The following HSPBAP1 variants were observed in gnomAD, a reference collection of about 807,000 sequenced individuals.
HSPBAP1 encodes HSPB1 associated protein 1.
In HSPBAP1, 27 loss-of-function variants were observed where a neutral mutation model predicts 45.2. The ratio of observed to expected loss-of-function variants is 0.60; its 90% CI spans 0.44 to 0.82. HSPBAP1 has a LOEUF of 0.82. Among genes scored for constraint, HSPBAP1 ranks in the 40% least tolerant of loss-of-function variants. The pLI is 0.00. For synonymous variants in HSPBAP1, 204 were observed against 202.7 expected, an observed-to-expected ratio of 1.01 and a Z score of -0.06; for missense variants, 510 against 590.9, an observed-to-expected ratio of 0.86 and a Z score of 1.42.
At chr3:122,750,173 C>T (rs1275986673) in intron 6 of HSPBAP1, among the ~76,000 whole-genome samples, 1 of 151,896 alleles carries the variant, frequency 6.6e-6, no homozygotes, top group Non-Finnish European at 1.5e-5. Context: ...TAGGGTTTCA[C>T]CATGTTGGCC....
chr3:122,771,879 A>G (rs1935012950), intron 2 of HSPBAP1, among the ~76,000 whole-genome samples: 1 of 152,274 alleles, frequency 6.6e-6, no homozygotes, highest in South Asian at 2.1e-4. Context: ...AATAAGAAAT[A>G]CACTCAACAG....
intron 6 of HSPBAP1, among the ~76,000 whole-genome samples, chr3:122,747,656 A>T (rs1216696370): frequency 7.1e-6 from 1 of 140,314 alleles, no homozygotes; most frequent in African/African-American, 2.7e-5. Flanking sequence ...CCGCCCGGCC[A>T]GCCGCCCCGT....
intron 2 of HSPBAP1, among the ~76,000 whole-genome samples, chr3:122,774,767 T>C (rs1935128883): frequency 6.6e-6 from 1 of 152,078 alleles, no homozygotes; most frequent in South Asian, 2.1e-4. Flanking sequence ...AGGCAGATGC[T>C]AGATATTTAG....
At chr3:122,791,379 G>A (rs1935824846) in intron 1 of HSPBAP1, among the ~76,000 whole-genome samples, 1 of 152,208 alleles carries the variant, frequency 6.6e-6, no homozygotes, top group Non-Finnish European at 1.5e-5. Context: ...ACCATGCCAT[G>A]CTTTCTCCTT....
chr3:122,754,197 T>G (rs541715122), intron 5 of HSPBAP1: 1 of 152,868 alleles, frequency 6.5e-6, no homozygotes, highest in East Asian at 1.9e-4. Context: ...AAAGTAGCAT[T>G]ACTTATAATA....
chr3:122,761,615 G>GT (rs11413351), intron 3 of HSPBAP1: 86,200 of 137,784 alleles, frequency 0.63, 27,324 homozygotes, highest in Non-Finnish European at 0.71. Flanking sequence ...CTACAAAAAG[G>GT]TTTTTTTTTT....
At chr3:122,777,684 G>A (rs778839119) in intron 2 of HSPBAP1, 37 bp downstream of exon 2, 7 of 1,479,064 alleles carry the variant, frequency 4.7e-6, no homozygotes, top group Non-Finnish European at 6.5e-6. Context: ...GGATGCTCCT[G>A]AAGAGACATT....
In HSPBAP1 at chr3:122,783,992, A is replaced by T. The variant is rs193185023; in HGVS notation, c.65-6086T>A. Among the ~76,000 whole-genome samples the T allele has an allele frequency of 3.5e-3, 532 of 152,134 alleles. 2 individuals are homozygous for T. Among genetic ancestry groups the T allele is most frequent in the African/African-American group, 0.012 (510 of 41,510 alleles). On this transcript the variant is annotated intron_variant, in intron 1 of 7. Coordinates refer to ENST00000306103, the MANE Select transcript of HSPBAP1 (RefSeq NM_024610.6). ...ACTACAGGCACACACCACCATGCCC[A>T]GCTAATTTTTATATTTTTAGTAGAG...
chr3:122,779,820 G>T (rs1935345974), intron 1 of HSPBAP1, among the ~76,000 whole-genome samples: 1 of 151,978 alleles, frequency 6.6e-6, no homozygotes, highest in Admixed American at 6.6e-5. Flanking sequence ...GCACAGGGTT[G>T]GGGGTAAGGT....
intron 1 of HSPBAP1, among the ~76,000 whole-genome samples, chr3:122,780,290 C>G (rs1935382469): frequency 9.6e-6 from 1 of 104,032 alleles, no homozygotes; most frequent in African/African-American, 3.7e-5. Flanking sequence ...GGGGCTGACC[C>G]CCCCACCTCC....
Position 122,793,781 on chromosome 3 carries a change from A to C in HSPBAP1, c.-101T>G. ...CCGAGACCCGAAGCTGCACCACAGG[A>C]AGGAGCCCCGGCGACTCCCGCCCGG... is the stretch of plus-strand genomic sequence containing the variant. On this transcript the variant is annotated 5_prime_UTR_variant, in exon 1 of 8. Transcript: ENST00000306103. 4 of 1,138,350 alleles carry C rather than the reference A, an allele frequency of 3.5e-6. No individual in the cohort carries two copies. The highest frequency in any genetic ancestry group is 1.5e-5 in the African/African-American group (1 of 65,150). The allele number at this position is 1,138,350 out of a possible 1,614,324, so 70.5% of individuals were successfully genotyped here. A position where few individuals can be genotyped will look rare whatever the true frequency, so the allele number is the denominator to read the frequency against.
intron 6 of HSPBAP1, among the ~76,000 whole-genome samples, chr3:122,748,581 A>G (rs935220497): frequency 6.6e-6 from 1 of 152,240 alleles, no homozygotes; most frequent in Non-Finnish European, 1.5e-5. Context: ...ATAAAGTTCA[A>G]CAACAGATTT....
At chr3:122,750,548 T>TATCTATCG (rs759752432) in intron 6 of HSPBAP1, among the ~76,000 whole-genome samples, 2 of 151,704 alleles carry the variant, frequency 1.3e-5, no homozygotes, top group Admixed American at 1.3e-4. Flanking sequence ...TCTATCTATC[T>TATCTATCG]ATCTAATCTA....
At chr3:122,758,471 G>A (rs182361399) in intron 4 of HSPBAP1, among the ~76,000 whole-genome samples, 2 of 152,154 alleles carry the variant, frequency 1.3e-5, no homozygotes, top group Admixed American at 1.3e-4. Context: ...AACCAGGATC[G>A]CTGGCATCCC....
chr3:122,763,187 T>A (rs1934659693), intron 3 of HSPBAP1, among the ~76,000 whole-genome samples: 1 of 152,186 alleles, frequency 6.6e-6, no homozygotes, highest in African/African-American at 2.4e-5. Flanking sequence ...GAAAAAGGAG[T>A]ACTTACTATA....
chr3:122,789,601 G>A (rs1197212035), intron 1 of HSPBAP1, among the ~76,000 whole-genome samples: 1 of 152,180 alleles, frequency 6.6e-6, no homozygotes, highest in African/African-American at 2.4e-5. Flanking sequence ...TTAGTCCAGT[G>A]CCTAGCATAA....
At position 122,777,738 on chromosome 3, in the gene HSPBAP1, A is replaced by G; in HGVS notation, c.233T>C (p.Met78Thr). Residue 78 changes from methionine to threonine, a missense_variant, in exon 2 of 8, where the codon ATG becomes ACG. Transcript: ENST00000306103. ...HGKQIRFRMG[M>T]KSMSTVPQFE... ...AGTCATACCTGTGCTCATGCTTTTC[A>G]TCCCCATTCTGAATCGTATCTGCTT... 1 of 1,613,742 alleles carries G rather than the reference A, an allele frequency of 6.2e-7. No homozygotes were observed. Among genetic ancestry groups the G allele is most frequent in the Non-Finnish European group, 8.5e-7 (1 of 1,179,732 alleles).
At chr3:122,776,584 C>T (rs1250064307) in intron 2 of HSPBAP1, among the ~76,000 whole-genome samples, 1 of 152,158 alleles carries the variant, frequency 6.6e-6, no homozygotes, top group Non-Finnish European at 1.5e-5. Context: ...ATTACTATTT[C>T]TATTTTTCTC....
intron 2 of HSPBAP1, among the ~76,000 whole-genome samples, chr3:122,776,240 C>T (rs1443108579): frequency 6.6e-6 from 1 of 152,144 alleles, no homozygotes; most frequent in Non-Finnish European, 1.5e-5. Flanking sequence ...GAATTGCATA[C>T]TTTTAAATGG....
Sources: gnomAD v4.1 joint callset for allele counts (sites outside exome capture counted in the v4.1 genomes callset) on GRCh38, gnomAD v4.1.1 for gene constraint, MANE v1.5 for transcripts, NCBI Gene and HGNC (gene_info 2026-07-23, HGNC 2026-07-21) for gene names.